The following RBM41 variants were observed in gnomAD, a reference collection of about 807,000 sequenced individuals.
RBM41 encodes the protein RNA binding motif protein 41.
A neutral mutation model predicts 30.8 loss-of-function variants in RBM41; 14 were observed. The observed-to-expected ratio is 0.45, with a 90% CI of 0.30 to 0.71. RBM41 has a LOEUF of 0.71. Ranked by LOEUF, RBM41 falls within the 30% of genes least tolerant of loss-of-function variation. The pLI, the probability that RBM41 is intolerant of heterozygous loss-of-function variation, is 0.08. For missense variants in RBM41, 276 were observed against 326.3 expected, an observed-to-expected ratio of 0.85 and a Z score of 1.19; for synonymous variants, 120 against 110.1, an observed-to-expected ratio of 1.09 and a Z score of -0.56.
chrX:107,106,576 T>C (rs1242326713), intron 5 of RBM41, among the ~76,000 whole-genome samples: 1 of 111,561 alleles, frequency 9.0e-6, no homozygotes, highest in Non-Finnish European at 1.9e-5. Flanking sequence ...ACATGTATGT[T>C]TATTGCGGCA....
At chrX:107,096,715 A>G (rs1923011068) in intron 5 of RBM41, among the ~76,000 whole-genome samples, 1 of 112,237 alleles carries the variant, frequency 8.9e-6, no homozygotes, top group South Asian at 3.7e-4. Context: ...CACCAAAAGC[A>G]CAAGCCATAA....
chrX:107,076,364 T>A (rs192983777), intron 6 of RBM41, among the ~76,000 whole-genome samples: 233 of 103,894 alleles, frequency 2.2e-3, no homozygotes, highest in Middle Eastern at 0.01. Context: ...AATAAATAAA[T>A]AAAATACAAT....
chrX:107,052,339 G>T, the RBM41 span, among the ~76,000 whole-genome samples: 1 of 111,077 alleles, frequency 9.0e-6, no homozygotes, highest in Non-Finnish European at 1.9e-5. Context: ...GATTGGTCGG[G>T]TGTGAGCTAA....
chrX:107,079,044 C>T (rs1326728682), intron 6 of RBM41, among the ~76,000 whole-genome samples: 2 of 111,172 alleles, frequency 1.8e-5, no homozygotes, highest in Non-Finnish European at 3.8e-5. Context: ...TCTAAGGAGC[C>T]CTGGTTCATT....
At chrX:107,098,267 T>C (rs1602593251) in intron 5 of RBM41, among the ~76,000 whole-genome samples, 1 of 111,867 alleles carries the variant, frequency 8.9e-6, no homozygotes, top group South Asian at 3.7e-4. Flanking sequence ...ATCAAAATCA[T>C]ATAAAGGTAT....
chrX:107,069,255 T>C lies in RBM41; in HGVS notation c.1147A>G (p.Asn383Asp). The change falls in exon 7 of 8, where the codon AAT becomes GAT. Residue 383 changes from asparagine (N) to aspartate (D), a missense_variant and splice_region_variant. Physicochemically the swap from Asn to Asp is conservative, Grantham distance 23. Transcript: ENST00000685964. The stretch of plus-strand genomic sequence containing the variant: ...TAATCATCTGGATGAAACTACTTAC[T>C]GGGAAAGGTGATAAAAGCCTGGCCC... ...MRGQAFITFPNKEIAWQALHL... is the reference protein window; with the variant it reads ...MRGQAFITFPDKEIAWQALHL... The C allele has an allele frequency of 8.3e-7, 1 of 1,201,934 alleles. No individual in the cohort carries two copies. Among genetic ancestry groups the C allele is most frequent in the South Asian group, 1.8e-5 (1 of 55,304 alleles).
Position 107,118,810 on chromosome X carries a change from G to C in RBM41, c.-37C>G, listed in dbSNP as rs1245467077. ...CCCCTACCTCCAACTTGGGTAAATA[G>C]GCCGCGGACCTCAAGTCCCAGAACT... On this transcript the variant is annotated 5_prime_UTR_variant, in exon 1 of 8. Transcript: ENST00000685964. 3.3e-6 allele frequency: 4 copies of C among 1,204,960 alleles called. No homozygotes were observed. The South Asian group carries it at 5.3e-5, about 16-fold the overall frequency.
intron 5 of RBM41, among the ~76,000 whole-genome samples, chrX:107,098,677 A>G (rs1923191689): frequency 8.9e-6 from 1 of 111,880 alleles, no homozygotes; most frequent in African/African-American, 3.3e-5. Flanking sequence ...TAAATGTGAA[A>G]GGCAAAAAAC....
At chrX:107,096,780 A>G (rs1923018962) in intron 5 of RBM41, among the ~76,000 whole-genome samples, 1 of 112,133 alleles carries the variant, frequency 8.9e-6, no homozygotes, top group Non-Finnish European at 1.9e-5. Context: ...AAAAGACACC[A>G]TTAAGAAAAT....
chrX:107,060,260 A>T (rs1257537450), downstream of RBM41, among the ~76,000 whole-genome samples: 1 of 110,866 alleles, frequency 9.0e-6, no homozygotes. Context: ...AGTGAAAAAA[A>T]AAAAAGAAAA....
At chrX:107,109,294 C>A (rs144129158) in intron 5 of RBM41, among the ~76,000 whole-genome samples, 1,254 of 111,390 alleles carry the variant, frequency 0.011, 22 homozygotes, top group African/African-American at 0.039. Context: ...ACTAAACTCT[C>A]CACTCAAAAG....
At chrX:107,076,360 T>TAAAA (rs1213832449) in intron 6 of RBM41, among the ~76,000 whole-genome samples, 6 of 105,002 alleles carry the variant, frequency 5.7e-5, no homozygotes, top group Non-Finnish European at 1.2e-4. Context: ...AATAAATAAA[T>TAAAA]AAATAAAATA....
chrX:107,067,481 T>C lies in RBM41; in HGVS notation c.*46A>G. The stretch of plus-strand genomic sequence containing the variant: ...CTATACATAAATCCTAGATCCAAGA[T>C]TCCAATTCAAGAAAGACCATCCAGG... On this transcript the variant is annotated 3_prime_UTR_variant, in exon 8 of 8. Coordinates refer to ENST00000685964, the MANE Select transcript of RBM41 (RefSeq NM_001324242.2). 8.8e-7 allele frequency: 1 copy of C among 1,130,758 alleles called. No individual in the cohort carries two copies. Among genetic ancestry groups the C allele is most frequent in the South Asian group, 2.5e-5 (1 of 40,476 alleles). The allele number at this position is 1,130,758 out of a possible 1,213,427, so 93.2% of individuals were successfully genotyped here.
At chrX:107,114,533 G>A (rs911533676) in intron 4 of RBM41, 2 of 111,705 alleles carry the variant, frequency 1.8e-5, no homozygotes, top group African/African-American at 6.5e-5. Context: ...CAACTGAAAT[G>A]TCATTACCTC....
At chrX:107,053,556 G>A in the RBM41 span, among the ~76,000 whole-genome samples, 5 of 112,715 alleles carry the variant, frequency 4.4e-5, no homozygotes, top group African/African-American at 1.6e-4. Context: ...ATGGCCTGAA[G>A]TGCAGGGGGA....
intron 5 of RBM41, among the ~76,000 whole-genome samples, chrX:107,109,955 C>T (rs1924329601): frequency 9.0e-6 from 1 of 111,096 alleles, no homozygotes; most frequent in Non-Finnish European, 1.9e-5. Flanking sequence ...ACAGAAGTGG[C>T]AAGAGTGGAC....
chrX:107,072,114 C>T (rs1399515495), intron 6 of RBM41, among the ~76,000 whole-genome samples: 1 of 111,228 alleles, frequency 9.0e-6, no homozygotes. Flanking sequence ...TTATTCAACA[C>T]AGTAGTGAAA....
At chrX:107,087,899 G>A (rs1425381771) in intron 6 of RBM41, among the ~76,000 whole-genome samples, 1 of 112,437 alleles carries the variant, frequency 8.9e-6, no homozygotes, top group Non-Finnish European at 1.9e-5. Flanking sequence ...ACCACACCTG[G>A]CCTTGTTGGA....
intron 5 of RBM41, chrX:107,112,996 T>C: frequency 4.3e-6 from 1 of 234,395 alleles, no homozygotes; most frequent in East Asian, 1.2e-4. Flanking sequence ...CATAGAATTG[T>C]ACACCAAAAA....
Sources: allele counts gnomAD v4.1 joint callset (sites outside exome capture counted in the v4.1 genomes callset), GRCh38; gene constraint gnomAD v4.1.1; transcripts MANE v1.5; gene names NCBI Gene and HGNC (gene_info 2026-07-23, HGNC 2026-07-21).